The following HNRNPF variants were observed in gnomAD, a reference collection of about 807,000 sequenced individuals.
HNRNPF encodes the protein HnRNP F protein.
Under a neutral mutation model 26.0 loss-of-function variants are expected in HNRNPF, and 2 were observed. The ratio of observed to expected loss-of-function variants is 0.08; its 90% CI spans 0.03 to 0.24. The LOEUF is 0.24. HNRNPF is among the 10% of genes least tolerant of loss of function. The probability of loss-of-function intolerance (pLI) is 1.00; values close to 1 mark genes in which losing one functional copy is unlikely to be tolerated. For missense variants in HNRNPF, 299 were observed against 539.2 expected, an observed-to-expected ratio of 0.55 and a Z score of 4.41; for synonymous variants, 234 against 211.5, an observed-to-expected ratio of 1.11 and a Z score of -0.92.
intron 1 of HNRNPF, among the ~76,000 whole-genome samples, chr10:43,401,014 G>A (rs887172000): frequency 3.3e-5 from 5 of 152,136 alleles, no homozygotes; most frequent in African/African-American, 9.7e-5. Flanking sequence ...CCCGGGAGGC[G>A]GAACTTGCAG....
intron 3 of HNRNPF, among the ~76,000 whole-genome samples, chr10:43,392,568 T>C (rs959104626): frequency 6.6e-6 from 1 of 152,176 alleles, no homozygotes; most frequent in African/African-American, 2.4e-5. Context: ...TGCATGATCC[T>C]ACTATACAGA....
chr10:43,406,573 T>C (rs1377898883), intron 1 of HNRNPF, among the ~76,000 whole-genome samples: 1 of 152,096 alleles, frequency 6.6e-6, no homozygotes, highest in African/African-American at 2.4e-5. Context: ...AGAGTGCCCG[T>C]GGTCCCAGAT....
chr10:43,405,675 A>T (rs185480494), intron 1 of HNRNPF, among the ~76,000 whole-genome samples: 1 of 152,138 alleles, frequency 6.6e-6, no homozygotes, highest in East Asian at 1.9e-4. Context: ...AAAAAAATTT[A>T]ATACAGAAAC....
At chr10:43,407,483 T>TG (rs1377439887) in intron 1 of HNRNPF, among the ~76,000 whole-genome samples, 3 of 151,532 alleles carry the variant, frequency 2.0e-5, no homozygotes, top group East Asian at 1.9e-4. Context: ...GGGGCGGCCT[T>TG]GGGGGGAGGG....
chr10:43,401,955 G>GA (rs1838766232), intron 1 of HNRNPF, among the ~76,000 whole-genome samples: 1 of 152,172 alleles, frequency 6.6e-6, no homozygotes, highest in Admixed American at 6.5e-5. Context: ...GTGCAGAACA[G>GA]AGAGATGGAA....
At chr10:43,403,030 A>C (rs1838801091) in intron 1 of HNRNPF, among the ~76,000 whole-genome samples, 1 of 152,130 alleles carries the variant, frequency 6.6e-6, no homozygotes, top group South Asian at 2.1e-4. Flanking sequence ...GTTTTTGAAA[A>C]GATAGGGTCT....
At chr10:43,392,735 TAGGG>T (rs1838303480) in intron 3 of HNRNPF, among the ~76,000 whole-genome samples, 3 of 152,160 alleles carry the variant, frequency 2.0e-5, no homozygotes, top group African/African-American at 7.2e-5. Flanking sequence ...CCATTAACTG[TAGGG>T]AATCAGGCTT....
intron 1 of HNRNPF, among the ~76,000 whole-genome samples, chr10:43,406,822 A>T (rs1838933864): frequency 6.6e-6 from 1 of 152,238 alleles, no homozygotes; most frequent in Non-Finnish European, 1.5e-5. Context: ...TAATGACTCT[A>T]ATCTACAGAA....
At chr10:43,391,479 A>G (rs1387888511) in intron 3 of HNRNPF, among the ~76,000 whole-genome samples, 2 of 148,752 alleles carry the variant, frequency 1.3e-5, no homozygotes, top group African/African-American at 4.9e-5. Context: ...ACCACACAAG[A>G]AAAAAAAAAG....
At position 43,394,697 on chromosome 10, in the gene HNRNPF, A is replaced by G. The variant is rs1184776997; in HGVS notation, c.-111-9T>C. 30 of 152,190 alleles carry G rather than the reference A, an allele frequency of 2.0e-4. No homozygotes were observed. The highest frequency in any genetic ancestry group is 1.9e-3 in the Admixed American group (29 of 15,284). The allele number at this position is 152,190 out of a possible 1,614,324, so 9.4% of individuals were successfully genotyped here. On this transcript the variant is annotated splice_polypyrimidine_tract_variant and intron_variant, in intron 2 of 3. Transcript: ENST00000682386. ...GATGGTAATGAAATGTCCTAAAAAA[A>G]AAACAGAGCGATATTGGCTGTGTGG...
At chr10:43,402,523 C>T (rs759749318) in intron 1 of HNRNPF, among the ~76,000 whole-genome samples, 6 of 152,144 alleles carry the variant, frequency 3.9e-5, no homozygotes, top group Non-Finnish European at 8.8e-5. Context: ...CCTCCATAAC[C>T]GTGAGAAAAT....
chr10:43,408,156 CA>C (rs1233032879), intron 1 of HNRNPF, among the ~76,000 whole-genome samples: 2 of 152,146 alleles, frequency 1.3e-5, no homozygotes, highest in Non-Finnish European at 2.9e-5. Context: ...CTCCTGGGCT[CA>C]AGAGATCCTC....
intron 1 of HNRNPF, among the ~76,000 whole-genome samples, chr10:43,402,787 G>A (rs1432132753): frequency 6.6e-6 from 1 of 152,140 alleles, no homozygotes; most frequent in South Asian, 2.1e-4. Context: ...GTAAGTAAGA[G>A]TATCTGTATT....
Position 43,385,884 on chromosome 10 carries a change from C to T in HNRNPF, c.*753G>A, listed in dbSNP as rs988404993. 1.3e-5 allele frequency: 2 copies of T among 152,526 alleles called. No individual in the cohort carries two copies. The highest frequency in any genetic ancestry group is 1.9e-4 in the East Asian group (1 of 5,194). 9.4% of individuals were successfully genotyped at this position (152,526 alleles called of 1,614,324 possible). ...CATTTTTATTAGACTTTTATTTAGC[C>T]TCATCATAAGAATATAAGGGAGATC... On this transcript the variant is annotated 3_prime_UTR_variant, in exon 4 of 4. Transcript: ENST00000682386.
At chr10:43,403,238 G>C (rs1208236360) in intron 1 of HNRNPF, among the ~76,000 whole-genome samples, 1 of 152,050 alleles carries the variant, frequency 6.6e-6, no homozygotes. Context: ...GGCTGGTCTT[G>C]GACTCCTGGC....
rs552833137 is a variant in HNRNPF, at chr10:43,386,773, G to A, written c.1112C>T (p.Ala371Val). ...GCCTTGCATCACCTGGCTGCTATAC[G>A]CCCCATTGCTGGCCCCTGTTGTTGA... ...LNSTTGASNG[A>V]YSSQVMQGMG... The change falls in exon 4 of 4, where the codon GCG becomes GTG. Residue 371 changes from alanine to valine, a missense_variant. Around this residue, in one of 6 missense-constraint regions of HNRNPF, gnomAD observed 53 missense variants for 72.4 expected, o/e 0.73. Coordinates refer to ENST00000682386, the MANE Select transcript of HNRNPF (RefSeq NM_001098204.2). The A allele has an allele frequency of 6.8e-6, 11 of 1,614,084 alleles. No homozygotes were observed. Among genetic ancestry groups the A allele is most frequent in the African/African-American group, 5.3e-5 (4 of 75,002 alleles).
chr10:43,392,825 C>T (rs1838307820), intron 3 of HNRNPF, among the ~76,000 whole-genome samples: 1 of 152,214 alleles, frequency 6.6e-6, no homozygotes, highest in East Asian at 1.9e-4. Flanking sequence ...AGGAGATACA[C>T]AAACCCCCAG....
At chr10:43,404,952 G>C (rs1000176332) in intron 1 of HNRNPF, among the ~76,000 whole-genome samples, 2 of 152,172 alleles carry the variant, frequency 1.3e-5, no homozygotes, top group African/African-American at 4.8e-5. Flanking sequence ...TGTGGGGAAG[G>C]AATGCTGCAA....
chr10:43,397,509 G>A (rs1234797614), intron 1 of HNRNPF, among the ~76,000 whole-genome samples: 1 of 152,214 alleles, frequency 6.6e-6, no homozygotes, highest in Non-Finnish European at 1.5e-5. Context: ...GGGGAAGGGC[G>A]GGCAGTGCAG....
Sources: gnomAD v4.1 joint callset for allele counts (sites outside exome capture counted in the v4.1 genomes callset) on GRCh38, gnomAD v4.1.1 for gene constraint, gnomAD v4.1.1 regional missense constraint, MANE v1.5 for transcripts, NCBI Gene and HGNC (gene_info 2026-07-23, HGNC 2026-07-21) for gene names.